The following GRIP1 variants were observed in gnomAD, a reference collection of about 807,000 sequenced individuals.
GRIP1 encodes the protein glutamate receptor-interacting protein 1.
A neutral mutation model predicts 129.9 loss-of-function variants in GRIP1; 45 were observed. The ratio of observed to expected loss-of-function variants is 0.35; its 90% confidence interval spans 0.27 to 0.44. The LOEUF (loss-of-function observed/expected upper bound fraction) is 0.44, where lower values mean the gene tolerates loss of function less well. Ranked by LOEUF, GRIP1 falls within the 20% of genes least tolerant of loss-of-function variation. The probability of loss-of-function intolerance (pLI) is 1.00; values close to 1 mark genes in which losing one functional copy is unlikely to be tolerated. For missense variants in GRIP1, 1,196 were observed against 1,396.8 expected, an observed-to-expected ratio of 0.86 and a Z score of 2.29; for synonymous variants, 530 against 520.8, an observed-to-expected ratio of 1.02 and a Z score of -0.24.
chr12:66,629,017 A>T (rs2030430580), intron 1 of GRIP1, among the ~76,000 whole-genome samples: 1 of 152,190 alleles, frequency 6.6e-6, no homozygotes, highest in African/African-American at 2.4e-5. Context: ...TCATTAAAGG[A>T]ATGTTAAATC....
At chr12:66,901,892 C>T (rs1504314) in intron 1 of GRIP1, among the ~76,000 whole-genome samples, 46,389 of 152,030 alleles carry the variant, frequency 0.31, 7,682 homozygotes, top group East Asian at 0.45. Context: ...TGGGAAGCAA[C>T]GGCATACATA....
At chr12:66,727,909 T>C (rs552407841) in intron 1 of GRIP1, among the ~76,000 whole-genome samples, 1 of 152,332 alleles carries the variant, frequency 6.6e-6, no homozygotes, top group East Asian at 1.9e-4. Flanking sequence ...AGAAAGGTTT[T>C]AATTTGCCCA....
At chr12:66,458,928 G>A (rs1038266755) in intron 9 of GRIP1, among the ~76,000 whole-genome samples, 12 of 152,210 alleles carry the variant, frequency 7.9e-5, no homozygotes, top group African/African-American at 2.9e-4. Context: ...CCTCAGAGAA[G>A]TTGTTGCTGA....
intron 1 of GRIP1, among the ~76,000 whole-genome samples, chr12:66,862,174 A>C (rs951663238): frequency 7.9e-5 from 12 of 152,108 alleles, no homozygotes; most frequent in African/African-American, 2.4e-4. Context: ...AAAGGGCATT[A>C]CTAGTGTTCA....
intron 1 of GRIP1, among the ~76,000 whole-genome samples, chr12:66,842,095 T>C (rs892650475): frequency 3.3e-5 from 5 of 152,104 alleles, no homozygotes; most frequent in African/African-American, 9.7e-5. Flanking sequence ...ATATATTGTA[T>C]AAATTCTTTT....
intron 1 of GRIP1, among the ~76,000 whole-genome samples, chr12:66,973,917 T>TCC (rs2042112713): frequency 8.6e-6 from 1 of 116,366 alleles, no homozygotes; most frequent in Non-Finnish European, 1.9e-5. Flanking sequence ...TTCTTTTCTT[T>TCC]TCTTTTTTTT....
At chr12:66,387,405 C>G (rs2056402936) in intron 19 of GRIP1, among the ~76,000 whole-genome samples, 1 of 152,178 alleles carries the variant, frequency 6.6e-6, no homozygotes, top group Non-Finnish European at 1.5e-5. Flanking sequence ...ACATACCATG[C>G]TGGAACTGGG....
At chr12:66,462,851 C>A in intron 9 of GRIP1, 73 bp downstream of exon 9, 1 of 956,908 alleles carries the variant, frequency 1.0e-6, no homozygotes, top group East Asian at 2.6e-5. Context: ...TGTCTTTCTG[C>A]TGTCTAACTC....
intron 1 of GRIP1, among the ~76,000 whole-genome samples, chr12:66,834,296 TGTTACACA>T (rs1327348795): frequency 6.6e-6 from 1 of 152,000 alleles, no homozygotes; most frequent in Non-Finnish European, 1.5e-5. Context: ...CCTTCCCACG[TGTTACACA>T]GTTACTGAGT....
intron 2 of GRIP1, among the ~76,000 whole-genome samples, chr12:66,561,448 T>A (rs2062524284): frequency 6.6e-6 from 1 of 151,972 alleles, no homozygotes; most frequent in African/African-American, 2.4e-5. Context: ...ACCCCATAAA[T>A]ATATATACTT....
chr12:66,873,661 T>C (rs1319542472), intron 1 of GRIP1, among the ~76,000 whole-genome samples: 1 of 152,074 alleles, frequency 6.6e-6, no homozygotes, highest in African/African-American at 2.4e-5. Flanking sequence ...AGCTATTATA[T>C]AGTTTGTATT....
At chr12:66,963,159 A>G (rs2041946972) in intron 1 of GRIP1, among the ~76,000 whole-genome samples, 1 of 151,992 alleles carries the variant, frequency 6.6e-6, no homozygotes, top group African/African-American at 2.4e-5. Flanking sequence ...ACAAACAAAA[A>G]AAAACATTAG....
intron 1 of GRIP1, among the ~76,000 whole-genome samples, chr12:66,872,795 G>T (rs1687521154): frequency 1.3e-5 from 2 of 152,000 alleles, no homozygotes; most frequent in South Asian, 4.1e-4. Context: ...TTATCAATTT[G>T]TCCAGTTAAC....
At chr12:66,539,658 T>A (rs59080799) in intron 3 of GRIP1, among the ~76,000 whole-genome samples, 1,814 of 151,244 alleles carry the variant, frequency 0.012, 41 homozygotes, top group East Asian at 0.1. Flanking sequence ...ATCCCTCTTG[T>A]TTTTGCTGCC....
chr12:66,482,094 T>C (rs2059822718), intron 7 of GRIP1, among the ~76,000 whole-genome samples: 2 of 152,160 alleles, frequency 1.3e-5, no homozygotes, highest in East Asian at 3.9e-4. Flanking sequence ...ACTTAAAGTA[T>C]AATAAGAATA....
At chr12:66,593,316 GAC>G (rs1240411725) in intron 2 of GRIP1, among the ~76,000 whole-genome samples, 1 of 152,176 alleles carries the variant, frequency 6.6e-6, no homozygotes, top group Non-Finnish European at 1.5e-5. Flanking sequence ...TTTAATGAAA[GAC>G]ACATATTTGG....
intron 1 of GRIP1, among the ~76,000 whole-genome samples, chr12:66,922,989 C>A (rs527704435): frequency 2.0e-5 from 3 of 152,152 alleles, no homozygotes; most frequent in African/African-American, 7.2e-5. Flanking sequence ...TATGATTGAG[C>A]CCATGCTGCA....
chr12:66,467,744 C>A (rs927848345), intron 7 of GRIP1, among the ~76,000 whole-genome samples: 4 of 152,236 alleles, frequency 2.6e-5, no homozygotes, highest in Admixed American at 2.0e-4. Context: ...CAACCTTTTT[C>A]TGCTCAGCCA....
At chr12:66,950,058 G>A (rs1470173871) in intron 1 of GRIP1, among the ~76,000 whole-genome samples, 1 of 151,274 alleles carries the variant, frequency 6.6e-6, no homozygotes, top group African/African-American at 2.4e-5. Context: ...TTATAGGCGT[G>A]AGCCACCACG....
Sources: allele counts gnomAD v4.1 joint callset (sites outside exome capture counted in the v4.1 genomes callset), GRCh38; gene constraint gnomAD v4.1.1; transcripts MANE v1.5; gene names NCBI Gene and HGNC (gene_info 2026-07-23, HGNC 2026-07-21).